Variants in DOCK2 observed in about 807,000 individuals in gnomAD.
DOCK2 encodes dedicator of cytokinesis 2.
In DOCK2, 87 loss-of-function variants were observed where a neutral mutation model predicts 248.9. The observed-to-expected ratio is 0.35, with a 90% confidence interval of 0.29 to 0.42. The LOEUF is 0.42. Ranked by LOEUF, DOCK2 falls within the 10% of genes least tolerant of loss-of-function variation. The pLI, the probability that DOCK2 is intolerant of heterozygous loss-of-function variation, is 1.00. For synonymous variants in DOCK2, 805 were observed against 821.6 expected, an observed-to-expected ratio of 0.98 and a Z score of 0.35; for missense variants, 1,747 against 2,300.2, an observed-to-expected ratio of 0.76 and a Z score of 4.92.
intron 22 of DOCK2, among the ~76,000 whole-genome samples, chr5:169,732,182 C>T (rs1762816915): frequency 1.3e-5 from 2 of 152,104 alleles, no homozygotes; most frequent in Non-Finnish European, 2.9e-5. Context: ...TACTATCATG[C>T]TAATAATTAA....
chr5:170,010,046 G>T (rs1307892077), intron 32 of DOCK2, among the ~76,000 whole-genome samples: 1 of 152,174 alleles, frequency 6.6e-6, no homozygotes, highest in East Asian at 1.9e-4. Context: ...GGGGGCTTAT[G>T]AGGGTCATCA....
intron 27 of DOCK2, among the ~76,000 whole-genome samples, chr5:169,942,369 A>T (rs1200340794): frequency 1.3e-5 from 2 of 152,200 alleles, no homozygotes; most frequent in Admixed American, 1.3e-4. Flanking sequence ...GAGGAGAAAT[A>T]TGTAAAGATG....
chr5:169,985,193 G>T (rs1024922073), intron 28 of DOCK2, among the ~76,000 whole-genome samples: 1 of 152,242 alleles, frequency 6.6e-6, no homozygotes, highest in East Asian at 1.9e-4. Context: ...GGGAGCCACC[G>T]TGCCTGGCCT....
At chr5:169,906,570 T>C (rs2113604003) in intron 27 of DOCK2, among the ~76,000 whole-genome samples, 1 of 152,290 alleles carries the variant, frequency 6.6e-6, no homozygotes, top group African/African-American at 2.4e-5. Flanking sequence ...GGGTTCAAGC[T>C]ATCCTCCTGC....
intron 1 of DOCK2, among the ~76,000 whole-genome samples, chr5:169,641,434 C>T (rs1477459832): frequency 6.6e-6 from 1 of 152,218 alleles, no homozygotes; most frequent in Non-Finnish European, 1.5e-5. Flanking sequence ...CTGATCCATG[C>T]ACACTGACAG....
chr5:169,880,197 C>T (rs1041337755), intron 27 of DOCK2, among the ~76,000 whole-genome samples: 4 of 152,220 alleles, frequency 2.6e-5, no homozygotes, highest in African/African-American at 7.2e-5. Context: ...AGGCATTTAT[C>T]TGTGAGCAGT....
Position 169,705,822 on chromosome 5 carries a change from C to T in DOCK2, c.1384-2347C>T, listed in dbSNP as rs1045770818. On this transcript the variant is annotated intron_variant, in intron 14 of 51. Transcript: ENST00000520908. ...GACATGTGTTAGGAGCCTGGTTTTTCTTCCTGCAGAGATGTTTCTTCTAAG... is the reference window on the plus strand; with the variant it reads ...GACATGTGTTAGGAGCCTGGTTTTTTTTCCTGCAGAGATGTTTCTTCTAAG... Among the ~76,000 whole-genome samples the T allele has an allele frequency of 1.4e-4, 22 of 152,164 alleles. 1 individual carries two copies. The highest frequency in any genetic ancestry group is 2.4e-4 in the Non-Finnish European group (16 of 68,030).
At position 169,742,403 on chromosome 5, in the gene DOCK2, A is replaced by G. The variant is rs1199382198; in HGVS notation, c.2268-4993A>G. Among the ~76,000 whole-genome samples the G allele has an allele frequency of 3.9e-5, 6 of 152,332 alleles. No individual in the cohort carries two copies. In the South Asian group the frequency reaches 1.2e-3, roughly 32 times the overall value. ...AATCTGAGTCTCAGAGAGATTAGGT[A>G]CCTTAGCCAAGGTCACCCAACTAAT... On this transcript the variant is annotated intron_variant, in intron 22 of 51. Coordinates refer to ENST00000520908, the MANE Select transcript of DOCK2 (RefSeq NM_004946.3).
chr5:169,795,877 C>T lies in DOCK2; in HGVS notation c.2555-7181C>T, dbSNP rs1042632475. ...GCAGGGTGAGCTGTGATATCTATAG[C>T]ATCCCCCGCCCCTTCCCCATTGCCA... is the stretch of plus-strand genomic sequence containing the variant. On this transcript the variant is annotated intron_variant, in intron 25 of 51. Transcript: ENST00000520908. 7.2e-5 allele frequency among the ~76,000 whole-genome samples: 11 copies of T among 152,316 alleles called. No homozygotes were observed. The East Asian group carries it at 2.1e-3, about 29-fold the overall frequency.
intron 19 of DOCK2, 88 bp from the exon 20 acceptor site, chr5:169,716,123 TTC>T: frequency 8.6e-7 from 1 of 1,163,872 alleles, no homozygotes; most frequent in East Asian, 2.4e-5. Flanking sequence ...TGTGCTCTCA[TTC>T]TCTTATAGAT....
intron 17 of DOCK2, 57 bp downstream of exon 17, chr5:169,712,280 A>T (rs1761635103): frequency 6.5e-7 from 1 of 1,531,662 alleles, no homozygotes; most frequent in Non-Finnish European, 9.0e-7. Context: ...AAAGGGGGTG[A>T]TGGCAAAATT....
chr5:169,726,435 AT>A (rs2113602525), intron 22 of DOCK2, among the ~76,000 whole-genome samples: 1 of 151,982 alleles, frequency 6.6e-6, no homozygotes, highest in South Asian at 2.1e-4. Context: ...GATTGTAAAA[AT>A]TTTCTCCCGT....
chr5:169,855,546 A>G (rs551731899), intron 27 of DOCK2, among the ~76,000 whole-genome samples: 1 of 152,332 alleles, frequency 6.6e-6, no homozygotes, highest in East Asian at 1.9e-4. Context: ...AACTAGAGAT[A>G]TAAAAACCAG....
chr5:169,916,546 C>A (rs1202067542), intron 27 of DOCK2, among the ~76,000 whole-genome samples: 1 of 152,172 alleles, frequency 6.6e-6, no homozygotes, highest in African/African-American at 2.4e-5. Context: ...CCTTCCTGTG[C>A]CTCCCTTATT....
At chr5:170,004,130 C>A (rs529073058) in intron 30 of DOCK2, among the ~76,000 whole-genome samples, 1 of 152,334 alleles carries the variant, frequency 6.6e-6, no homozygotes, top group Admixed American at 6.5e-5. Flanking sequence ...AGCATAGCGT[C>A]AATGCTATGA....
chr5:169,934,280 C>T (rs1446569674), intron 27 of DOCK2, among the ~76,000 whole-genome samples: 5 of 152,114 alleles, frequency 3.3e-5, no homozygotes, highest in East Asian at 1.9e-4. Flanking sequence ...TGTATTTACC[C>T]GGGAAGACTT....
At chr5:169,765,754 G>T (rs1382689606) in intron 25 of DOCK2, among the ~76,000 whole-genome samples, 5 of 152,170 alleles carry the variant, frequency 3.3e-5, no homozygotes. Flanking sequence ...ACCTGACAGA[G>T]ATTTGGAAGC....
In DOCK2 at chr5:170,069,132, C is replaced by T; in HGVS notation, c.4645-5C>T. The T allele has an allele frequency of 6.2e-7, 1 of 1,613,432 alleles. No homozygotes were observed. Among genetic ancestry groups the T allele is most frequent in the Non-Finnish European group, 8.5e-7 (1 of 1,179,718 alleles). Reference sequence around the variant, plus strand: ...AAACCCTGACCTCCTATCTGTCCTCCCCAGGCCTTCTTCACTGAAGAGTAT... The same window carrying T: ...AAACCCTGACCTCCTATCTGTCCTCTCCAGGCCTTCTTCACTGAAGAGTAT... On this transcript the variant is annotated splice_region_variant and splice_polypyrimidine_tract_variant and intron_variant, in intron 45 of 51. Coordinates refer to ENST00000520908, the MANE Select transcript of DOCK2 (RefSeq NM_004946.3).
chr5:170,017,462 A>G (rs924323754), intron 32 of DOCK2, among the ~76,000 whole-genome samples: 1 of 152,190 alleles, frequency 6.6e-6, no homozygotes, highest in Non-Finnish European at 1.5e-5. Flanking sequence ...CCTATCTGCT[A>G]CTTCTGATGC....
Sources: gnomAD v4.1 joint callset for allele counts (sites outside exome capture counted in the v4.1 genomes callset) on GRCh38, gnomAD v4.1.1 for gene constraint, MANE v1.5 for transcripts, NCBI Gene and HGNC (gene_info 2026-07-23, HGNC 2026-07-21) for gene names.